The following GSK3B variants were observed in gnomAD, a reference collection of about 807,000 sequenced individuals.
GSK3B encodes the protein glycogen synthase kinase 3 beta, also known as glycogen synthase kinase-3 beta.
A neutral mutation model predicts 56.4 loss-of-function variants in GSK3B; 15 were observed. The ratio of observed to expected loss-of-function variants is 0.27; its 90% CI spans 0.18 to 0.41. The LOEUF is 0.41. Ranked by LOEUF, GSK3B falls within the 10% of genes least tolerant of loss-of-function variation. The probability of loss-of-function intolerance (pLI) is 1.00; values close to 1 mark genes in which losing one functional copy is unlikely to be tolerated. For synonymous variants in GSK3B, 181 were observed against 188.9 expected (o/e 0.96, Z 0.34); for missense variants, 300 against 513.4 (o/e 0.58, Z 4.02).
At chr3:120,092,359 T>A (rs2058519662) in intron 1 of GSK3B, among the ~76,000 whole-genome samples, 1 of 152,168 alleles carries the variant, frequency 6.6e-6, no homozygotes, top group Non-Finnish European at 1.5e-5. Context: ...AAGGACTAAA[T>A]CCACATTCTT....
Position 120,003,406 on chromosome 3 carries a change from G to A in GSK3B, c.89-1167C>T, listed in dbSNP as rs76234788. 6.1e-3 allele frequency among the ~76,000 whole-genome samples: 935 copies of A among 152,194 alleles called. 10 individuals carry two copies. Among genetic ancestry groups the A allele is most frequent in the African/African-American group, 0.021 (882 of 41,522 alleles). ...ACATTGTTCTTTTAGTGACTTCAAC[G>A]TACACAAAAATGTCTACTGTTTCTT... On this transcript the variant is annotated intron_variant, in intron 1 of 10. Transcript: ENST00000264235.
intron 8 of GSK3B, among the ~76,000 whole-genome samples, chr3:119,870,800 T>C (rs2056241423): frequency 6.6e-6 from 1 of 152,088 alleles, no homozygotes; most frequent in Admixed American, 6.6e-5. Flanking sequence ...TGAATAATAA[T>C]ATAAAAATTG....
At chr3:119,996,107 T>A (rs1053263795) in intron 2 of GSK3B, among the ~76,000 whole-genome samples, 2 of 152,258 alleles carry the variant, frequency 1.3e-5, no homozygotes, top group Admixed American at 1.3e-4. Flanking sequence ...AACTAATTTT[T>A]AAACTACAAA....
intron 7 of GSK3B, among the ~76,000 whole-genome samples, chr3:119,901,635 A>G (rs1232749037): frequency 1.3e-5 from 2 of 152,200 alleles, no homozygotes; most frequent in African/African-American, 2.4e-5. Flanking sequence ...AACATACACA[A>G]CAACCACATT....
intron 3 of GSK3B, among the ~76,000 whole-genome samples, chr3:119,934,487 A>ACC (rs1367556805): frequency 4.6e-5 from 7 of 152,246 alleles, no homozygotes; most frequent in Non-Finnish European, 1.0e-4. Context: ...ACTGCCATGC[A>ACC]GGTAAGTAAG....
intron 1 of GSK3B, among the ~76,000 whole-genome samples, chr3:120,061,435 T>C (rs898464116): frequency 6.6e-6 from 1 of 152,242 alleles, no homozygotes; most frequent in Non-Finnish European, 1.5e-5. Context: ...ATGTGCTATT[T>C]TCACTATTAT....
intron 1 of GSK3B, among the ~76,000 whole-genome samples, chr3:120,060,135 G>A (rs527927581): frequency 5.3e-5 from 8 of 152,198 alleles, no homozygotes; most frequent in African/African-American, 1.7e-4. Context: ...TCTTAAAATC[G>A]GAAAGAGGGA....
At chr3:119,840,137 A>C (rs2055751099) in intron 10 of GSK3B, among the ~76,000 whole-genome samples, 1 of 152,140 alleles carries the variant, frequency 6.6e-6, no homozygotes, top group African/African-American at 2.4e-5. Context: ...CAGGAAAGAA[A>C]AGTCATAGGT....
intron 4 of GSK3B, among the ~76,000 whole-genome samples, chr3:119,921,528 A>AAT (rs2056839186): frequency 6.6e-6 from 1 of 152,220 alleles, no homozygotes; most frequent in Non-Finnish European, 1.5e-5. Flanking sequence ...ATTTGCAGGA[A>AAT]ATATAGATGA....
chr3:119,951,072 C>A (rs2057152025), intron 2 of GSK3B, among the ~76,000 whole-genome samples: 1 of 152,058 alleles, frequency 6.6e-6, no homozygotes, highest in Admixed American at 6.6e-5. Flanking sequence ...AGAAGGACAC[C>A]CAGAAATGTA....
intron 2 of GSK3B, among the ~76,000 whole-genome samples, chr3:119,982,596 A>G (rs906317011): frequency 2.0e-5 from 3 of 152,258 alleles, no homozygotes; most frequent in African/African-American, 7.2e-5. Context: ...GATTCGATCA[A>G]GTGGAAGAAA....
rs925635418 is a variant in GSK3B at position 119,954,318 on chromosome 3, C to A, written c.283-6967G>T. Among the ~76,000 whole-genome samples the A allele has an allele frequency of 4.7e-5, 7 of 148,712 alleles. No individual in the cohort carries two copies. In the South Asian group the frequency reaches 6.4e-4, roughly 14 times the overall value. ...AGAATAGAATAGAAAAGAAACAGAACAGAACAGAACAGCATAGCATAAAAT... is the reference window on the plus strand; with the variant it reads ...AGAATAGAATAGAAAAGAAACAGAAAAGAACAGAACAGCATAGCATAAAAT... On this transcript the variant is annotated intron_variant, in intron 2 of 10. Transcript: ENST00000264235.
chr3:119,867,289 G>A (rs1056891376), intron 8 of GSK3B, among the ~76,000 whole-genome samples: 1 of 152,180 alleles, frequency 6.6e-6, no homozygotes, highest in Admixed American at 6.5e-5. Context: ...GCTAAAAGAT[G>A]TTTCTTTGCT....
At position 120,038,367 on chromosome 3, in the gene GSK3B, C is replaced by T. The variant is rs1247971409; in HGVS notation, c.89-36128G>A. 1.3e-5 allele frequency among the ~76,000 whole-genome samples: 2 copies of T among 152,130 alleles called. 1 individual carries two copies. The highest frequency in any genetic ancestry group is 2.9e-5 in the Non-Finnish European group (2 of 68,026). ...GCTCCTTGAACCCAAGCGTTCAAGACCAACCTGGGCAACATGGTGAAACCC... is the reference window on the plus strand; with the variant it reads ...GCTCCTTGAACCCAAGCGTTCAAGATCAACCTGGGCAACATGGTGAAACCC... On this transcript the variant is annotated intron_variant, in intron 1 of 10. Transcript: ENST00000264235.
chr3:119,876,899 A>G (rs2108049431), intron 7 of GSK3B, among the ~76,000 whole-genome samples: 1 of 152,298 alleles, frequency 6.6e-6, no homozygotes, highest in East Asian at 1.9e-4. Flanking sequence ...CACGAAGGCC[A>G]TCACCAGATG....
chr3:119,888,489 T>C (rs550140397), intron 7 of GSK3B, among the ~76,000 whole-genome samples: 82 of 152,250 alleles, frequency 5.4e-4, no homozygotes, highest in African/African-American at 1.8e-3. Context: ...TTTTTTACTT[T>C]AATCTCTTAA....
At chr3:119,879,098 ACT>A (rs2056349567) in intron 7 of GSK3B, among the ~76,000 whole-genome samples, 1 of 152,176 alleles carries the variant, frequency 6.6e-6, no homozygotes, top group African/African-American at 2.4e-5. Context: ...TATATGAGAC[ACT>A]CTGATATAGG....
At chr3:119,926,857 C>G (rs1027527045) in intron 3 of GSK3B, among the ~76,000 whole-genome samples, 1 of 152,278 alleles carries the variant, frequency 6.6e-6, no homozygotes, top group African/African-American at 2.4e-5. Context: ...AAAGTGTTAC[C>G]TTCTTAGTAT....
intron 9 of GSK3B, among the ~76,000 whole-genome samples, chr3:119,853,514 T>C (rs1468654166): frequency 6.6e-6 from 1 of 152,224 alleles, no homozygotes; most frequent in Non-Finnish European, 1.5e-5. Flanking sequence ...CCTTGGGCAG[T>C]AGGGCCATTT....
Sources: allele counts gnomAD v4.1 joint callset (sites outside exome capture counted in the v4.1 genomes callset), GRCh38; gene constraint gnomAD v4.1.1; transcripts MANE v1.5; gene names NCBI Gene and HGNC (gene_info 2026-07-23, HGNC 2026-07-21).